Variants in PAN3 observed in about 807,000 individuals in gnomAD.
The protein encoded by PAN3 is poly(A) specific ribonuclease subunit PAN3.
Under a neutral mutation model 96.2 loss-of-function variants are expected in PAN3, and 19 were observed. That is an observed-to-expected ratio of 0.20 (90% CI 0.14 to 0.29). The LOEUF is 0.29. Among genes scored for constraint, PAN3 ranks in the 10% least tolerant of loss-of-function variants. The pLI, the probability that PAN3 is intolerant of heterozygous loss-of-function variation, is 1.00. For missense variants in PAN3, 882 were observed against 1,108.1 expected (o/e 0.80, Z 2.90); for synonymous variants, 433 against 406.6 (o/e 1.06, Z -0.78).
chr13:28,228,805 A>G (rs1882255702), intron 6 of PAN3, among the ~76,000 whole-genome samples: 1 of 152,222 alleles, frequency 6.6e-6, no homozygotes. Context: ...GCCATAGTTA[A>G]TATAGGTCAT....
At chr13:28,269,034 T>C (rs1328893690) in intron 12 of PAN3, among the ~76,000 whole-genome samples, 1 of 152,188 alleles carries the variant, frequency 6.6e-6, no homozygotes, top group African/African-American at 2.4e-5. Context: ...GAAATGACTG[T>C]TGGCTTTAAT....
chr13:28,246,625 C>T (rs1462703058), intron 6 of PAN3, among the ~76,000 whole-genome samples: 1 of 152,168 alleles, frequency 6.6e-6, no homozygotes, highest in Non-Finnish European at 1.5e-5. Flanking sequence ...TTCTTTCTAT[C>T]TCTATGAGAT....
chr13:28,263,608 G>A (rs560261650), intron 9 of PAN3, among the ~76,000 whole-genome samples: 34 of 152,324 alleles, frequency 2.2e-4, no homozygotes, highest in African/African-American at 7.2e-4. Context: ...TGGGATTACA[G>A]GCATGAGCCA....
chr13:28,258,537 A>G (rs1436310535), intron 7 of PAN3, among the ~76,000 whole-genome samples: 3 of 152,210 alleles, frequency 2.0e-5, no homozygotes, highest in African/African-American at 7.2e-5. Context: ...CTGTTCACTT[A>G]AACTGCTGAC....
At chr13:28,191,522 C>T (rs925026661) in intron 4 of PAN3, among the ~76,000 whole-genome samples, 4 of 152,100 alleles carry the variant, frequency 2.6e-5, no homozygotes, top group African/African-American at 9.7e-5. Context: ...TCCTACAATG[C>T]ACAAGACAGC....
chr13:28,195,806 G>T (rs1016973906), intron 4 of PAN3, among the ~76,000 whole-genome samples: 1 of 152,154 alleles, frequency 6.6e-6, no homozygotes, highest in East Asian at 1.9e-4. Flanking sequence ...AAAGTGCTGG[G>T]ATTAAGGCAT....
chr13:28,185,763 T>C (rs1033308878), intron 4 of PAN3, among the ~76,000 whole-genome samples: 1 of 152,200 alleles, frequency 6.6e-6, no homozygotes, highest in Non-Finnish European at 1.5e-5. Context: ...TGAGTTCTTA[T>C]ACACAGTAAT....
chr13:28,286,846 A>C (rs1422607769), intron 17 of PAN3, among the ~76,000 whole-genome samples: 2 of 152,198 alleles, frequency 1.3e-5, no homozygotes, highest in Admixed American at 1.3e-4. Context: ...TGCTAAAACC[A>C]TATGGTGAAC....
chr13:28,274,983 A>G (rs1417410382), intron 14 of PAN3, among the ~76,000 whole-genome samples: 1 of 152,170 alleles, frequency 6.6e-6, no homozygotes, highest in Admixed American at 6.5e-5. Flanking sequence ...CATAGATAGA[A>G]TCAGAAAAAG....
At chr13:28,225,860 A>C (rs930023131) in intron 6 of PAN3, among the ~76,000 whole-genome samples, 1 of 152,236 alleles carries the variant, frequency 6.6e-6, no homozygotes, top group Non-Finnish European at 1.5e-5. Flanking sequence ...AGGTGGCGTC[A>C]GGCAACCGGG....
intron 17 of PAN3, 101 bp from the exon 18 acceptor site, chr13:28,287,883 T>G: frequency 8.3e-7 from 1 of 1,200,596 alleles, no homozygotes; most frequent in Non-Finnish European, 1.1e-6. Flanking sequence ...AATTTTTTGT[T>G]TATTGGGAAA....
At chr13:28,216,778 C>T (rs530101355) in intron 5 of PAN3, among the ~76,000 whole-genome samples, 1 of 151,786 alleles carries the variant, frequency 6.6e-6, no homozygotes, top group Admixed American at 6.6e-5. Context: ...TCTTACGTTC[C>T]GTTATCATTC....
rs1029018563 is a variant in PAN3 at position 28,169,043 on chromosome 13, A to G, written c.431-5229A>G. ...AAAAAAAAAAAGTGAATTGCAAACT[A>G]TTAGTCCATGGAAACAGTGTAGGAT... On this transcript the variant is annotated intron_variant, in intron 1 of 18. Transcript: ENST00000380958. 9.2e-5 allele frequency among the ~76,000 whole-genome samples: 14 copies of G among 151,982 alleles called. 2 individuals carry two copies. Among genetic ancestry groups the G allele is most frequent in the Admixed American group, 8.5e-4 (13 of 15,254 alleles).
intron 4 of PAN3, among the ~76,000 whole-genome samples, chr13:28,180,177 T>G (rs1183336540): frequency 6.6e-6 from 1 of 152,164 alleles, no homozygotes; most frequent in East Asian, 1.9e-4. Context: ...ATCATTACCA[T>G]AGTTGCTGTG....
chr13:28,281,835 A>G (rs985181654), intron 17 of PAN3, among the ~76,000 whole-genome samples: 1 of 148,434 alleles, frequency 6.7e-6, no homozygotes, highest in East Asian at 2.0e-4. Context: ...CAGTGGCACA[A>G]TCTCGGCTGA....
At chr13:28,158,730 T>C (rs745366119) in intron 1 of PAN3, among the ~76,000 whole-genome samples, 84 of 151,710 alleles carry the variant, frequency 5.5e-4, no homozygotes, top group Non-Finnish European at 8.1e-4. Context: ...TACAAAAAAT[T>C]AGTTGGGTGT....
At chr13:28,193,126 G>A (rs1032252780) in intron 4 of PAN3, among the ~76,000 whole-genome samples, 11 of 152,166 alleles carry the variant, frequency 7.2e-5, no homozygotes, top group Admixed American at 3.3e-4. Context: ...AGAAGTTTAC[G>A]AATTCTTGTT....
chr13:28,201,675 T>C (rs990029687), intron 5 of PAN3, among the ~76,000 whole-genome samples: 12 of 152,182 alleles, frequency 7.9e-5, no homozygotes, highest in African/African-American at 2.9e-4. Context: ...ACTGGGATTA[T>C]AGGCATAAAC....
At chr13:28,186,786 A>G (rs1876530301) in intron 4 of PAN3, among the ~76,000 whole-genome samples, 1 of 151,918 alleles carries the variant, frequency 6.6e-6, no homozygotes, top group Non-Finnish European at 1.5e-5. Flanking sequence ...TGATCGGGCC[A>G]CTGTGTTCCA....
Sources: gnomAD v4.1 joint callset for allele counts (sites outside exome capture counted in the v4.1 genomes callset) on GRCh38, gnomAD v4.1.1 for gene constraint, MANE v1.5 for transcripts, NCBI Gene and HGNC (gene_info 2026-07-23, HGNC 2026-07-21) for gene names.